Variants in CBLB observed in about 807,000 individuals in gnomAD.
CBLB encodes the protein E3 ubiquitin-protein ligase CBL-B.
In CBLB, 31 loss-of-function variants were observed where a neutral mutation model predicts 104.9. The observed-to-expected ratio is 0.30, with a 90% confidence interval of 0.22 to 0.40. CBLB has a LOEUF of 0.40. Ranked by LOEUF, CBLB falls within the 10% of genes least tolerant of loss-of-function variation. The probability of loss-of-function intolerance (pLI) is 1.00; values close to 1 mark genes in which losing one functional copy is unlikely to be tolerated. For synonymous variants in CBLB, 440 were observed against 422.6 expected, an observed-to-expected ratio of 1.04 and a Z score of -0.51; for missense variants, 1,062 against 1,214.6, an observed-to-expected ratio of 0.87 and a Z score of 1.87.
rs2091215968 is a variant in CBLB, at chr3:105,853,496, T to A, written c.337A>T (p.Ser113Cys). 1 of 1,613,404 alleles carries A rather than the reference T, an allele frequency of 6.2e-7. No homozygotes were observed. Among genetic ancestry groups the A allele is most frequent in the Non-Finnish European group, 8.5e-7 (1 of 1,179,442 alleles). Reference protein sequence around the residue: ...ENEYFKIYIDSLMKKSKRAIR... With the variant: ...ENEYFKIYIDCLMKKSKRAIR... Reference sequence around the variant, plus strand: ...GCCCGTTTTGACTTTTTCATAAGGCTATCAATGTAGATTTTAAAGTACTCA... The same window carrying A: ...GCCCGTTTTGACTTTTTCATAAGGCAATCAATGTAGATTTTAAAGTACTCA... The change falls in exon 3 of 19, where the codon AGC becomes TGC. Residue 113 changes from serine to cysteine, a missense_variant. Physicochemically the swap from Ser to Cys is moderately radical, Grantham distance 112. Around this residue, in one of 2 missense-constraint regions of CBLB, gnomAD observed 457 missense variants for 632.0 expected, o/e 0.72. Coordinates refer to ENST00000394030, the MANE Select transcript of CBLB (RefSeq NM_170662.5).
intron 8 of CBLB, among the ~76,000 whole-genome samples, chr3:105,735,182 C>T (rs188915573): frequency 6.6e-6 from 1 of 152,206 alleles, no homozygotes; most frequent in Non-Finnish European, 1.5e-5. Context: ...TATACATATA[C>T]ATAAACATAC....
At chr3:105,743,601 C>A (rs1021231710) in intron 6 of CBLB, among the ~76,000 whole-genome samples, 5 of 151,942 alleles carry the variant, frequency 3.3e-5, no homozygotes, top group Middle Eastern at 3.4e-3. Flanking sequence ...TTACTACCTT[C>A]ACCCCATAAC....
Position 105,704,009 on chromosome 3 carries a change from G to A in CBLB, c.1572C>T (p.Gly524=), listed in dbSNP as rs1323633557. The A allele has an allele frequency of 6.2e-7, 1 of 1,613,978 alleles. No homozygotes were observed. The highest frequency in any genetic ancestry group is 8.5e-7 in the Non-Finnish European group (1 of 1,179,956). Residue 524 remains glycine (G), a synonymous_variant, in exon 11 of 19, where the codon GGC becomes GGT. Coordinates refer to ENST00000394030, the MANE Select transcript of CBLB (RefSeq NM_170662.5). ...CTACCTTTGGTGAACCCGTTGGGCT[G>A]CCACAGGGAGATCTAACTATGCCTT... The part of the protein sequence containing the change: ...IQKGIVRSPC[G]SPTGSPKSSP...
At chr3:105,837,701 A>G (rs1272007038) in intron 3 of CBLB, among the ~76,000 whole-genome samples, 2 of 152,192 alleles carry the variant, frequency 1.3e-5, no homozygotes, top group Non-Finnish European at 2.9e-5. Flanking sequence ...CATACAGTTA[A>G]GAGTTGCTTT....
intron 9 of CBLB, among the ~76,000 whole-genome samples, chr3:105,725,846 TTATC>T (rs1192638122): frequency 6.6e-6 from 1 of 150,622 alleles, no homozygotes; most frequent in Non-Finnish European, 1.5e-5. Context: ...TTATTTTATT[TTATC>T]TTTTTTTTTT....
At chr3:105,725,576 G>A (rs976059528) in intron 9 of CBLB, among the ~76,000 whole-genome samples, 3 of 151,968 alleles carry the variant, frequency 2.0e-5, no homozygotes, top group African/African-American at 4.8e-5. Flanking sequence ...CTAGTGCATC[G>A]CTCTAGTTCA....
At chr3:105,727,711 A>G (rs2073838538) in intron 9 of CBLB, among the ~76,000 whole-genome samples, 1 of 152,104 alleles carries the variant, frequency 6.6e-6, no homozygotes. Context: ...TCTTGAGTTA[A>G]TTTTTGTATA....
intron 3 of CBLB, among the ~76,000 whole-genome samples, chr3:105,786,957 CATG>C (rs2081098648): frequency 6.6e-6 from 1 of 152,108 alleles, no homozygotes; most frequent in Admixed American, 6.6e-5. Flanking sequence ...TCTTAATATG[CATG>C]ATAACAGTTC....
At chr3:105,769,265 C>T (rs2078588601) in intron 4 of CBLB, among the ~76,000 whole-genome samples, 1 of 151,990 alleles carries the variant, frequency 6.6e-6, no homozygotes, top group Non-Finnish European at 1.5e-5. Flanking sequence ...TTGCAGTGAG[C>T]CGAGATGGCG....
chr3:105,785,230 A>G (rs1035762799), intron 3 of CBLB, among the ~76,000 whole-genome samples: 9 of 152,246 alleles, frequency 5.9e-5, no homozygotes, highest in East Asian at 3.8e-4. Flanking sequence ...TTTTTAAACT[A>G]TAAGGAATAA....
Position 105,853,404 on chromosome 3 carries a change from T to G in CBLB, c.419+10A>C. ...CCTTTACACCAAAACATCTGAAATATTCTTCTTACCTGTCCTGTGACTGTT... is the reference window on the plus strand; with the variant it reads ...CCTTTACACCAAAACATCTGAAATAGTCTTCTTACCTGTCCTGTGACTGTT... On this transcript the variant is annotated intron_variant, in intron 3 of 18. Transcript: ENST00000394030. 2.5e-6 allele frequency: 4 copies of G among 1,613,330 alleles called. No homozygotes were observed. The highest frequency in any genetic ancestry group is 3.4e-6 in the Non-Finnish European group (4 of 1,179,544).
chr3:105,763,697 T>C (rs913418741), intron 4 of CBLB, among the ~76,000 whole-genome samples: 1 of 152,250 alleles, frequency 6.6e-6, no homozygotes, highest in African/African-American at 2.4e-5. Flanking sequence ...TTATTTACTT[T>C]GCTATTAAGT....
intron 14 of CBLB, among the ~76,000 whole-genome samples, chr3:105,684,115 T>C (rs2066683599): frequency 6.6e-6 from 1 of 152,242 alleles, no homozygotes; most frequent in South Asian, 2.1e-4. Context: ...AATGGCACAC[T>C]AAGTAAAGAT....
At chr3:105,749,917 T>A (rs2076439945) in intron 5 of CBLB, among the ~76,000 whole-genome samples, 2 of 152,202 alleles carry the variant, frequency 1.3e-5, no homozygotes, top group South Asian at 4.2e-4. Flanking sequence ...AAATTTAAAA[T>A]AATCAAAAGC....
intron 3 of CBLB, among the ~76,000 whole-genome samples, chr3:105,841,815 T>C (rs974481296): frequency 6.6e-6 from 1 of 152,104 alleles, no homozygotes; most frequent in African/African-American, 2.4e-5. Context: ...TACTCTTAAG[T>C]AGCATTCAAA....
At chr3:105,829,988 G>A (rs1050203185) in intron 3 of CBLB, among the ~76,000 whole-genome samples, 1 of 152,120 alleles carries the variant, frequency 6.6e-6, no homozygotes, top group South Asian at 2.1e-4. Flanking sequence ...ACTGTCAGAT[G>A]TATTTTATTT....
intron 3 of CBLB, among the ~76,000 whole-genome samples, chr3:105,809,998 A>G (rs1339506659): frequency 6.6e-6 from 1 of 152,186 alleles, no homozygotes; most frequent in Non-Finnish European, 1.5e-5. Context: ...AAAGAAACAT[A>G]TTTGTAAACA....
intron 3 of CBLB, among the ~76,000 whole-genome samples, chr3:105,804,081 T>C (rs1463768832): frequency 6.6e-6 from 1 of 152,216 alleles, no homozygotes; most frequent in East Asian, 1.9e-4. Flanking sequence ...ATAAAAATCA[T>C]AGAGGACTTT....
intron 4 of CBLB, among the ~76,000 whole-genome samples, chr3:105,759,759 C>T (rs938523735): frequency 1.3e-5 from 2 of 152,186 alleles, no homozygotes; most frequent in Non-Finnish European, 2.9e-5. Flanking sequence ...AGGGGGACTT[C>T]CTGGGCCCCC....
Sources: gnomAD v4.1 joint callset for allele counts (sites outside exome capture counted in the v4.1 genomes callset) on GRCh38, gnomAD v4.1.1 for gene constraint, gnomAD v4.1.1 regional missense constraint, MANE v1.5 for transcripts, NCBI Gene and HGNC (gene_info 2026-07-23, HGNC 2026-07-21) for gene names.